VPS37A: variants seen among roughly 807,000 people sequenced by gnomAD.
VPS37A encodes the protein vacuolar protein sorting-associated protein 37A.
Under a neutral mutation model 49.8 loss-of-function variants are expected in VPS37A, and 30 were observed. The observed-to-expected ratio is 0.60, with a 90% CI of 0.45 to 0.82. The LOEUF (loss-of-function observed/expected upper bound fraction) is 0.82. Ranked by LOEUF, VPS37A falls within the 40% of genes least tolerant of loss-of-function variation. The probability of loss-of-function intolerance (pLI) is 0.00; values close to 1 mark genes in which losing one functional copy is unlikely to be tolerated. For synonymous variants in VPS37A, 195 were observed against 160.6 expected, an observed-to-expected ratio of 1.21 and a Z score of -1.62; for missense variants, 593 against 464.4, an observed-to-expected ratio of 1.28 and a Z score of -2.55.
At chr8:17,282,529 C>T (rs901590621) in intron 9 of VPS37A, among the ~76,000 whole-genome samples, 1 of 151,848 alleles carries the variant, frequency 6.6e-6, no homozygotes, top group Non-Finnish European at 1.5e-5. Context: ...ATTAAAAAAT[C>T]ATGAAATCAA....
intron 9 of VPS37A, among the ~76,000 whole-genome samples, chr8:17,282,018 A>AT (rs941493129): frequency 1.3e-5 from 2 of 151,802 alleles, no homozygotes; most frequent in African/African-American, 4.8e-5. Context: ...TGCCAAGAAT[A>AT]TTTTTTTTAT....
At chr8:17,307,127 T>C (rs1266830421), downstream of VPS37A, among the ~76,000 whole-genome samples, 9 of 152,102 alleles carry the variant, frequency 5.9e-5, no homozygotes, top group Non-Finnish European at 8.8e-5. Flanking sequence ...AGAAAATTTT[T>C]GCAACCTACT....
the VPS37A span, among the ~76,000 whole-genome samples, chr8:17,330,854 G>A: frequency 6.6e-6 from 1 of 152,090 alleles, no homozygotes; most frequent in African/African-American, 2.4e-5. Context: ...CCTTGAATGG[G>A]GATCAAACTA....
At chr8:17,247,736 G>C in intron 1 of VPS37A, 1 of 702,620 alleles carries the variant, frequency 1.4e-6, no homozygotes, top group Non-Finnish European at 2.6e-6. Context: ...CAGCAGAATT[G>C]TTAAAATACA....
chr8:17,309,242 T>G, the VPS37A span: 1 of 1,347,428 alleles, frequency 7.4e-7, no homozygotes. Context: ...GTGCTTTTAT[T>G]CTAAACATTC....
At chr8:17,306,565 T>C (rs11779713), downstream of VPS37A, among the ~76,000 whole-genome samples, 39,325 of 152,054 alleles carry the variant, frequency 0.26, 5,406 homozygotes, top group East Asian at 0.33. Context: ...CAAATTTGTA[T>C]TGATTTTAAA....
intron 5 of VPS37A, 101 bp downstream of exon 5, chr8:17,275,059 C>G (rs1029009666): frequency 9.0e-7 from 1 of 1,106,092 alleles, no homozygotes; most frequent in African/African-American, 1.6e-5. Flanking sequence ...AAGTTAGACA[C>G]AAAATATGAA....
At chr8:17,285,798 C>T (rs377354677) in intron 10 of VPS37A, among the ~76,000 whole-genome samples, 237 of 152,246 alleles carry the variant, frequency 1.6e-3, no homozygotes, top group African/African-American at 5.5e-3. Context: ...GCAGAATTTA[C>T]GTCCATTTTT....
chr8:17,261,176 C>A (rs1354234451), intron 1 of VPS37A, among the ~76,000 whole-genome samples: 1 of 151,990 alleles, frequency 6.6e-6, no homozygotes, highest in Non-Finnish European at 1.5e-5. Flanking sequence ...CTTTTTTCTT[C>A]TTTCTCTTAC....
At chr8:17,270,108 G>C (rs1316426265) in intron 4 of VPS37A, among the ~76,000 whole-genome samples, 1 of 152,072 alleles carries the variant, frequency 6.6e-6, no homozygotes, top group Non-Finnish European at 1.5e-5. Flanking sequence ...GGCAAGGACA[G>C]CACCAAGAGG....
At chr8:17,302,056 A>T, downstream of VPS37A, 1 of 1,507,920 alleles carries the variant, frequency 6.6e-7, no homozygotes, top group Admixed American at 1.8e-5. Flanking sequence ...AAAAATGTGA[A>T]ATATTTGTAT....
chr8:17,326,621 C>G, the VPS37A span: 2 of 152,178 alleles, frequency 1.3e-5, no homozygotes, highest in Non-Finnish European at 2.9e-5. Flanking sequence ...GACTCTGTAA[C>G]TGGAGAGAGG....
In VPS37A at chr8:17,247,056, G is replaced by A; in HGVS notation, c.-189G>A. 2 of 720,152 alleles carry A rather than the reference G, an allele frequency of 2.8e-6. No individual in the cohort carries two copies. Among genetic ancestry groups the A allele is most frequent in the South Asian group, 1.9e-5 (1 of 53,468 alleles). 44.6% of individuals were successfully genotyped at this position (720,152 alleles called of 1,614,324 possible). On this transcript the variant is annotated 5_prime_UTR_variant, in exon 1 of 12. Transcript: ENST00000324849. ...CGCAAGTTTCCCTCTCCAGCCGCCC[G>A]CCGTTCGTAGCATGTCCCCCAGAAC...
chr8:17,251,083 A>C (rs1811931059), intron 1 of VPS37A, among the ~76,000 whole-genome samples: 1 of 152,098 alleles, frequency 6.6e-6, no homozygotes, highest in Admixed American at 6.5e-5. Flanking sequence ...TTCCCTCTGC[A>C]AGGCCCATAC....
the VPS37A span, among the ~76,000 whole-genome samples, chr8:17,327,988 A>C: frequency 6.6e-6 from 1 of 152,240 alleles, no homozygotes; most frequent in East Asian, 1.9e-4. Context: ...GAAGTGTGGC[A>C]AAGAGCAGTT....
the VPS37A span, chr8:17,311,680 A>T: frequency 6.2e-7 from 1 of 1,612,736 alleles, no homozygotes; most frequent in Non-Finnish European, 8.5e-7. Context: ...GAATGGCTGT[A>T]AAAAGGCAGA....
rs1254934743 is a variant in VPS37A at position 17,297,716 on chromosome 8, A to ATATT, written c.*2732_*2735dup. The ATATT allele has an allele frequency of 1.6e-5, 2 of 128,890 alleles. No individual in the cohort carries two copies. The highest frequency in any genetic ancestry group is 4.9e-4 in the East Asian group (2 of 4,122). 8.0% of individuals were successfully genotyped at this position (128,890 alleles called of 1,614,324 possible). A position where few individuals can be genotyped will look rare whatever the true frequency, so the allele number is the denominator to read the frequency against. ...TTCCTGATTAATGTTTGATTATTAGATATTTTAGTCTTGTTGGGGATATTT... is the reference window on the plus strand; with the variant it reads ...TTCCTGATTAATGTTTGATTATTAGATATTTATTTTAGTCTTGTTGGGGATATTT... On this transcript the variant is annotated 3_prime_UTR_variant, in exon 12 of 12. Transcript: ENST00000324849.
chr8:17,280,912 A>G (rs1814996199), intron 9 of VPS37A, among the ~76,000 whole-genome samples: 1 of 151,906 alleles, frequency 6.6e-6, no homozygotes, highest in African/African-American at 2.4e-5. Flanking sequence ...AATTCAACCT[A>G]TATTTCTGAA....
In VPS37A at chr8:17,246,960, T is replaced by G. The variant is rs1256403171; in HGVS notation, c.-285T>G. On this transcript the variant is annotated 5_prime_UTR_variant, in exon 1 of 12. Coordinates refer to ENST00000324849, the MANE Select transcript of VPS37A (RefSeq NM_152415.3). ...GACGGCGGCGCGGGTGGTGGAGCGC[T>G]GGGCGGCCAGGCTCCCTGGCTGGCC... The G allele has an allele frequency of 1.3e-5, 6 of 449,064 alleles. No individual in the cohort carries two copies. Among genetic ancestry groups the G allele is most frequent in the African/African-American group, 4.2e-5 (2 of 47,722 alleles). 27.8% of individuals were successfully genotyped at this position (449,064 alleles called of 1,614,324 possible).
Sources: allele counts gnomAD v4.1 joint callset (sites outside exome capture counted in the v4.1 genomes callset), GRCh38; gene constraint gnomAD v4.1.1; transcripts MANE v1.5; gene names NCBI Gene and HGNC (gene_info 2026-07-23, HGNC 2026-07-21).